MACROD2: variants seen among roughly 807,000 people sequenced by gnomAD.
MACROD2 encodes the protein mono-ADP ribosylhydrolase 2.
Under a neutral mutation model 70.4 loss-of-function variants are expected in MACROD2, and 36 were observed. The observed-to-expected ratio is 0.51, with a 90% CI of 0.39 to 0.68. The LOEUF is 0.68. Among genes scored for constraint, MACROD2 ranks in the 30% least tolerant of loss-of-function variants. MACROD2 has a pLI of 0.00. For missense variants in MACROD2, 496 were observed against 538.4 expected (o/e 0.92, Z 0.78); for synonymous variants, 172 against 178.8 (o/e 0.96, Z 0.30).
At chr20:14,039,572 A>G (rs1443319942) in intron 2 of MACROD2, among the ~76,000 whole-genome samples, 2 of 152,136 alleles carry the variant, frequency 1.3e-5, no homozygotes, top group Non-Finnish European at 2.9e-5. Flanking sequence ...TCAGTTTACA[A>G]ATGTTCATTA....
intron 7 of MACROD2, among the ~76,000 whole-genome samples, chr20:15,459,410 A>C (rs1230502917): frequency 6.6e-6 from 1 of 152,064 alleles, no homozygotes; most frequent in Non-Finnish European, 1.5e-5. Flanking sequence ...CCTATTTAAC[A>C]TCTGAAACAG....
chr20:14,627,870 A>G (rs1001323303), intron 4 of MACROD2, among the ~76,000 whole-genome samples: 9 of 152,218 alleles, frequency 5.9e-5, no homozygotes, highest in African/African-American at 2.2e-4. Context: ...ATGACAAAAA[A>G]TCCTGACCTT....
intron 7 of MACROD2, among the ~76,000 whole-genome samples, chr20:15,466,070 T>C (rs777516092): frequency 3.9e-5 from 6 of 152,206 alleles, no homozygotes; most frequent in Admixed American, 2.6e-4. Flanking sequence ...AGTTATGTAA[T>C]AGAGAAGGAC....
intron 8 of MACROD2, among the ~76,000 whole-genome samples, chr20:15,588,922 C>T (rs563918886): frequency 5.7e-4 from 87 of 152,298 alleles, no homozygotes; most frequent in South Asian, 1.0e-3. Context: ...GTTCCAAAGT[C>T]GCTTCCACAT....
rs2047698134 is a variant in MACROD2, at chr20:15,524,654, A to G, written c.645+24807A>G. ...GGAGCTATCACCTATAGGAAATCCC[A>G]GGACTGGGGAATTGTATAATAGAGG... On this transcript the variant is annotated intron_variant, in intron 8 of 17. Coordinates refer to ENST00000684519, the MANE Select transcript of MACROD2 (RefSeq NM_001351661.2). Among the ~76,000 whole-genome samples, 3 of 152,184 alleles carry G rather than the reference A, an allele frequency of 2.0e-5. No individual in the cohort carries two copies. The South Asian group carries it at 6.2e-4, about 32-fold the overall frequency.
intron 3 of MACROD2, among the ~76,000 whole-genome samples, chr20:14,420,373 T>C (rs2083861743): frequency 6.6e-6 from 1 of 152,142 alleles, no homozygotes; most frequent in South Asian, 2.1e-4. Flanking sequence ...GTTCCAATAG[T>C]AACACTTGTT....
chr20:14,734,496 A>G (rs1013463726), intron 5 of MACROD2, among the ~76,000 whole-genome samples: 11 of 148,874 alleles, frequency 7.4e-5, no homozygotes, highest in African/African-American at 2.5e-4. Context: ...GTGAAACTCC[A>G]TATCAAAAAA....
At chr20:14,771,765 T>C (rs545071580) in intron 5 of MACROD2, among the ~76,000 whole-genome samples, 15 of 138,762 alleles carry the variant, frequency 1.1e-4, no homozygotes, top group East Asian at 8.9e-4. Flanking sequence ...CACACACACA[T>C]ACACATATGG....
At chr20:14,911,018 C>T (rs2074020340) in intron 5 of MACROD2, among the ~76,000 whole-genome samples, 2 of 152,152 alleles carry the variant, frequency 1.3e-5, no homozygotes, top group Non-Finnish European at 2.9e-5. Flanking sequence ...TTCTCTTCAA[C>T]TCTATCTCAT....
chr20:14,758,584 G>A (rs149099534), intron 5 of MACROD2, among the ~76,000 whole-genome samples: 88 of 152,268 alleles, frequency 5.8e-4, no homozygotes, highest in African/African-American at 1.2e-3. Flanking sequence ...TTGTGACTGA[G>A]CAAATCCACT....
intron 8 of MACROD2, among the ~76,000 whole-genome samples, chr20:15,506,098 T>C (rs2047423033): frequency 6.6e-6 from 1 of 152,250 alleles, no homozygotes; most frequent in Admixed American, 6.5e-5. Flanking sequence ...GCTCGGCAAG[T>C]TGATGCCAGC....
At chr20:15,797,718 A>G (rs1568566925) in intron 8 of MACROD2, among the ~76,000 whole-genome samples, 1 of 152,182 alleles carries the variant, frequency 6.6e-6, no homozygotes, top group East Asian at 1.9e-4. Flanking sequence ...CCTTAAAAAT[A>G]ATCAGGGTTC....
At chr20:15,942,240 T>C (rs574230953) in intron 12 of MACROD2, among the ~76,000 whole-genome samples, 4 of 152,276 alleles carry the variant, frequency 2.6e-5, no homozygotes, top group African/African-American at 9.6e-5. Context: ...GATCAAGAGC[T>C]AGATTGTGAG....
At chr20:14,752,733 C>T (rs944019580) in intron 5 of MACROD2, among the ~76,000 whole-genome samples, 1 of 152,076 alleles carries the variant, frequency 6.6e-6, no homozygotes, top group Non-Finnish European at 1.5e-5. Flanking sequence ...CATGCTTAAC[C>T]GTATTACTTT....
chr20:15,604,823 AT>A (rs1284647397), intron 8 of MACROD2, among the ~76,000 whole-genome samples: 1 of 152,196 alleles, frequency 6.6e-6, no homozygotes, highest in African/African-American at 2.4e-5. Context: ...AGAGTTGCAT[AT>A]TTCTGTTATA....
intron 8 of MACROD2, among the ~76,000 whole-genome samples, chr20:15,608,033 G>A (rs1032378844): frequency 1.3e-5 from 2 of 152,224 alleles, no homozygotes; most frequent in Non-Finnish European, 2.9e-5. Flanking sequence ...ACAGCCACAT[G>A]ATTCTTCTCC....
At chr20:14,606,564 T>C (rs565759559) in intron 4 of MACROD2, among the ~76,000 whole-genome samples, 1 of 152,332 alleles carries the variant, frequency 6.6e-6, no homozygotes, top group South Asian at 2.1e-4. Flanking sequence ...CTTACAGCAA[T>C]ATTAGAAACA....
In MACROD2 at chr20:14,092,757, G is replaced by A. The variant is rs147763345; in HGVS notation, c.271+7029G>A. On this transcript the variant is annotated intron_variant, in intron 3 of 17. Coordinates refer to ENST00000684519, the MANE Select transcript of MACROD2 (RefSeq NM_001351661.2). ...GTAAATAATGTGTGAAAAATACGTAGCACAGTTCTCGCACAAAATATGTAC... is the reference window on the plus strand; with the variant it reads ...GTAAATAATGTGTGAAAAATACGTAACACAGTTCTCGCACAAAATATGTAC... 2.9e-3 allele frequency among the ~76,000 whole-genome samples: 435 copies of A among 152,252 alleles called. 8 individuals carry two copies. The highest frequency in any genetic ancestry group is 0.018 in the Admixed American group (273 of 15,286).
chr20:15,347,325 C>G (rs2078177585), intron 6 of MACROD2, among the ~76,000 whole-genome samples: 1 of 151,990 alleles, frequency 6.6e-6, no homozygotes, highest in Admixed American at 6.6e-5. Context: ...TGAAAAATAT[C>G]TATCTTGGTT....
Sources: allele counts gnomAD v4.1 joint callset (sites outside exome capture counted in the v4.1 genomes callset), GRCh38; gene constraint gnomAD v4.1.1; transcripts MANE v1.5; gene names NCBI Gene and HGNC (gene_info 2026-07-23, HGNC 2026-07-21).